SLC28A3: variants seen among roughly 807,000 people sequenced by gnomAD.
SLC28A3 encodes solute carrier family 28 member 3.
A neutral mutation model predicts 84.2 loss-of-function variants in SLC28A3; 68 were observed. The observed-to-expected ratio is 0.81, with a 90% confidence interval of 0.66 to 0.99. The LOEUF is 0.99. SLC28A3 is among the 50% of genes least tolerant of loss of function. The probability of loss-of-function intolerance (pLI) is 0.00; values close to 1 mark genes in which losing one functional copy is unlikely to be tolerated. For missense variants in SLC28A3, 712 were observed against 841.5 expected (o/e 0.85, Z 1.90); for synonymous variants, 267 against 303.6 (o/e 0.88, Z 1.25).
intron 1 of SLC28A3, among the ~76,000 whole-genome samples, chr9:84,315,023 G>A (rs1482631716): frequency 6.6e-6 from 1 of 152,182 alleles, no homozygotes; most frequent in Non-Finnish European, 1.5e-5. Flanking sequence ...GTTGCAGTGA[G>A]CTGAGATCAC....
At position 84,340,622 on chromosome 9, in the gene SLC28A3, C is replaced by A. The variant is rs1439244120; in HGVS notation, c.12G>T (p.Arg4Ser). The A allele has an allele frequency of 1.9e-6, 3 of 1,614,028 alleles. No individual in the cohort carries two copies. The East Asian group carries it at 6.7e-5, about 36-fold the overall frequency. Residue 4 changes from arginine (R) to serine (S), a missense_variant, in exon 1 of 18, where the codon AGG (arginine) becomes AGT (serine). Physicochemically the swap from Arg to Ser is moderately radical, Grantham distance 110. Coordinates refer to ENST00000376238, the MANE Select transcript of SLC28A3 (RefSeq NM_001199633.2). ...CCTCAGCTCTGGGGGCTGCTGTACT[C>A]CTCAGCTCCATGCTCTTTTTGCTGC... Reference protein sequence around the residue: MELRSTAAPRAEGY... With the variant: MELSSTAAPRAEGY...
chr9:84,317,575 A>C (rs1006557679), intron 1 of SLC28A3, among the ~76,000 whole-genome samples: 6 of 151,844 alleles, frequency 4.0e-5, no homozygotes, highest in African/African-American at 1.5e-4. Context: ...TCCATTTCTC[A>C]GTTCTTGTGG....
chr9:84,342,044 G>C (rs1340127002), upstream of SLC28A3, among the ~76,000 whole-genome samples: 1 of 147,362 alleles, frequency 6.8e-6, no homozygotes, highest in Non-Finnish European at 1.5e-5. Context: ...CGGGAGAATC[G>C]CTTGAACCCA....
chr9:84,302,105 T>G, intron 5 of SLC28A3, 95 bp downstream of exon 5: 1 of 1,218,176 alleles, frequency 8.2e-7, no homozygotes, highest in Non-Finnish European at 1.2e-6. Flanking sequence ...CCATATCCCA[T>G]AAATGAGGAA....
In SLC28A3 at chr9:84,285,932, T is replaced by C. The variant is rs544028189; in HGVS notation, c.1449+11A>G. 2 of 1,609,434 alleles carry C rather than the reference T, an allele frequency of 1.2e-6. No individual in the cohort carries two copies. Among genetic ancestry groups the C allele is most frequent in the South Asian group, 2.2e-5 (2 of 90,576 alleles). ...AACAAAACAGAGGGCAGGGGCGTGA[T>C]GTGATTATACCTCAAAACTCAGCTG... On this transcript the variant is annotated intron_variant, in intron 13 of 17. Transcript: ENST00000376238.
rs776554038 is a variant in SLC28A3, at chr9:84,305,262, A to C, written c.326T>G (p.Leu109Ter). Residue 109 changes from leucine (L) to a stop codon, truncating the protein, a stop_gained, in exon 4 of 18, where the codon TTA (leucine) becomes TGA (stop). Transcript: ENST00000376238. LOFTEE classifies it high-confidence loss of function. ...TTLRHIIWGI[L>*]LAGYLVMVIS... ...CCATCTTTGTTATTTACCTGCTAAT[A>C]AAATGCCCCAGATGATGTGCCGAAG... 1 of 1,612,318 alleles carries C rather than the reference A, an allele frequency of 6.2e-7. No individual in the cohort carries two copies. The highest frequency in any genetic ancestry group is 8.5e-7 in the Non-Finnish European group (1 of 1,179,646).
chr9:84,339,429 T>C (rs1588630569), intron 1 of SLC28A3, among the ~76,000 whole-genome samples: 1 of 152,182 alleles, frequency 6.6e-6, no homozygotes, highest in East Asian at 1.9e-4. Flanking sequence ...TTTGTATTTT[T>C]AGTAGAGATG....
At chr9:84,288,272 G>A in intron 11 of SLC28A3, 94 bp from the exon 12 acceptor site, 1 of 1,537,138 alleles carries the variant, frequency 6.5e-7, no homozygotes, top group South Asian at 1.2e-5. Context: ...AAGAAACAGG[G>A]CAGGGGTTGT....
At chr9:84,290,963 T>C (rs1007371962) in intron 10 of SLC28A3, among the ~76,000 whole-genome samples, 2 of 152,142 alleles carry the variant, frequency 1.3e-5, no homozygotes, top group African/African-American at 4.8e-5. Context: ...CAGAGTGTAG[T>C]TGTAAAGGCT....
At chr9:84,360,916 T>TA in the SLC28A3 span, among the ~76,000 whole-genome samples, 9 of 151,842 alleles carry the variant, frequency 5.9e-5, no homozygotes, top group Non-Finnish European at 1.0e-4. Flanking sequence ...AATAAATAAA[T>TA]AATAATAATA....
At chr9:84,356,568 ACG>A in the SLC28A3 span, among the ~76,000 whole-genome samples, 1 of 152,194 alleles carries the variant, frequency 6.6e-6, no homozygotes, top group Non-Finnish European at 1.5e-5. Flanking sequence ...AAGGTGGCTC[ACG>A]CTCGTAATCC....
chr9:84,358,399 G>A, the SLC28A3 span, among the ~76,000 whole-genome samples: 8 of 151,994 alleles, frequency 5.3e-5, no homozygotes, highest in African/African-American at 1.2e-4. Context: ...CATGTAACCC[G>A]AAACTCAGGA....
chr9:84,295,088 C>T (rs1296564631), intron 8 of SLC28A3, among the ~76,000 whole-genome samples: 1 of 152,178 alleles, frequency 6.6e-6, no homozygotes, highest in Non-Finnish European at 1.5e-5. Flanking sequence ...AACCCTATGT[C>T]TCATTTGCTG....
chr9:84,320,055 T>G (rs796981936), intron 1 of SLC28A3, among the ~76,000 whole-genome samples: 2 of 133,950 alleles, frequency 1.5e-5, no homozygotes, highest in Non-Finnish European at 1.6e-5. Context: ...TTTTTTTTTT[T>G]TTTTTTTTTT....
the SLC28A3 span, among the ~76,000 whole-genome samples, chr9:84,348,261 G>A: frequency 6.6e-6 from 1 of 150,918 alleles, no homozygotes; most frequent in Non-Finnish European, 1.5e-5. Flanking sequence ...AGCTGAAGCA[G>A]GAAAATCACT....
Position 84,280,831 on chromosome 9 carries a change from C to T in SLC28A3, c.1699G>A (p.Gly567Arg), listed in dbSNP as rs777123804. ...CCGCCGATCACGATTCCTAGGGACCCGATATTGGCAAAACCACAGAGAGCG... is the reference window on the plus strand; with the variant it reads ...CCGCCGATCACGATTCCTAGGGACCTGATATTGGCAAAACCACAGAGAGCG... ...TYALCGFANIGSLGIVIGGLT... is the reference protein window; with the variant it reads ...TYALCGFANIRSLGIVIGGLT... Residue 567 changes from glycine to arginine, a missense_variant, in exon 15 of 18, where the codon GGG becomes AGG. Gly to Arg is a moderately radical substitution (Grantham distance 125). Coordinates refer to ENST00000376238, the MANE Select transcript of SLC28A3 (RefSeq NM_001199633.2). The T allele has an allele frequency of 2.7e-5, 43 of 1,613,828 alleles. No individual in the cohort carries two copies. The highest frequency in any genetic ancestry group is 8.0e-5 in the African/African-American group (6 of 74,840).
intron 1 of SLC28A3, among the ~76,000 whole-genome samples, chr9:84,324,184 GTT>G (rs1826472495): frequency 1.3e-5 from 2 of 152,134 alleles, no homozygotes; most frequent in Non-Finnish European, 2.9e-5. Context: ...CTCCCAACTT[GTT>G]TTATCTGTAT....
intron 12 of SLC28A3, 102 bp from the exon 13 acceptor site, chr9:84,286,213 C>G (rs1207472305): frequency 8.9e-7 from 1 of 1,125,186 alleles, no homozygotes; most frequent in African/African-American, 1.6e-5. Flanking sequence ...AAGAGACAAA[C>G]TCTAAGGCCC....
chr9:84,295,120 C>A (rs796626946), intron 8 of SLC28A3, among the ~76,000 whole-genome samples: 1 of 152,078 alleles, frequency 6.6e-6, no homozygotes, highest in African/African-American at 2.4e-5. Context: ...TTTCTTTGGC[C>A]GCTCAAACAT....
Sources: gnomAD v4.1 joint callset for allele counts (sites outside exome capture counted in the v4.1 genomes callset) on GRCh38, gnomAD v4.1.1 for gene constraint, MANE v1.5 for transcripts, NCBI Gene and HGNC (gene_info 2026-07-23, HGNC 2026-07-21) for gene names.